The following KLF8 variants were observed in gnomAD, a reference collection of about 807,000 sequenced individuals.
KLF8 encodes Krueppel-like factor 8.
In KLF8, 10 loss-of-function variants were observed where a neutral mutation model predicts 18.2. The observed-to-expected ratio is 0.55, with a 90% confidence interval of 0.34 to 0.93. The LOEUF (loss-of-function observed/expected upper bound fraction) is 0.93, where lower values mean the gene tolerates loss of function less well. KLF8 is among the 40% of genes least tolerant of loss of function. KLF8 has a pLI of 0.02. For missense variants in KLF8, 264 were observed against 277.9 expected, an observed-to-expected ratio of 0.95 and a Z score of 0.36; for synonymous variants, 109 against 97.3, an observed-to-expected ratio of 1.12 and a Z score of -0.71.
chrX:55,930,371 T>G, the KLF8 span, among the ~76,000 whole-genome samples: 5 of 111,942 alleles, frequency 4.5e-5, no homozygotes, highest in African/African-American at 1.6e-4. Context: ...TGAATACCCT[T>G]TATTTCTTTC....
At chrX:56,038,202 C>T in the KLF8 span, among the ~76,000 whole-genome samples, 1 of 111,618 alleles carries the variant, frequency 9.0e-6, no homozygotes, top group Non-Finnish European at 1.9e-5. Flanking sequence ...GTATATTTAC[C>T]AAATTTTCTT....
chrX:56,053,393 A>C, the KLF8 span, among the ~76,000 whole-genome samples: 1 of 111,550 alleles, frequency 9.0e-6, no homozygotes, highest in Non-Finnish European at 1.9e-5. Context: ...GTTTTTTAAT[A>C]TGCTGCCAGC....
At chrX:56,062,069 A>T in the KLF8 span, among the ~76,000 whole-genome samples, 2 of 97,665 alleles carry the variant, frequency 2.0e-5, no homozygotes, top group Non-Finnish European at 4.0e-5. Context: ...TGCATGTGAG[A>T]TGGGTCTCCT....
chrX:56,162,265 C>T, the KLF8 span, among the ~76,000 whole-genome samples: 2 of 112,118 alleles, frequency 1.8e-5, no homozygotes, highest in Non-Finnish European at 3.8e-5. Context: ...TCTCCAGCTG[C>T]ATTCTGGGAG....
chrX:56,060,564 G>T, the KLF8 span, among the ~76,000 whole-genome samples: 8 of 111,774 alleles, frequency 7.2e-5, no homozygotes, highest in Non-Finnish European at 1.3e-4. Flanking sequence ...TAAGCTTTTT[G>T]ATATCCTGCT....
intron 1 of KLF8, among the ~76,000 whole-genome samples, chrX:56,236,962 GATAT>G (rs3052513): frequency 1.9e-4 from 18 of 93,286 alleles, no homozygotes; most frequent in African/African-American, 3.2e-4. Context: ...TAGATAGATG[GATAT>G]ATATATATAT....
chrX:56,187,537 T>C, the KLF8 span, among the ~76,000 whole-genome samples: 1 of 111,555 alleles, frequency 9.0e-6, no homozygotes, highest in African/African-American at 3.3e-5. Context: ...GCCAGCATCA[T>C]CCTGATACCA....
chrX:56,144,668 G>A, the KLF8 span, among the ~76,000 whole-genome samples: 95 of 103,744 alleles, frequency 9.2e-4, 1 homozygote, highest in Non-Finnish European at 1.4e-3. Flanking sequence ...CAGGAGAATC[G>A]CTTGAACCCG....
At chrX:56,042,984 T>C in the KLF8 span, among the ~76,000 whole-genome samples, 1 of 112,206 alleles carries the variant, frequency 8.9e-6, no homozygotes, top group Non-Finnish European at 1.9e-5. Flanking sequence ...AGTGCTTCCT[T>C]CAGGACCTCT....
chrX:55,953,885 C>T, the KLF8 span, among the ~76,000 whole-genome samples: 57 of 109,029 alleles, frequency 5.2e-4, no homozygotes, highest in East Asian at 0.011. Context: ...TTAGACAATG[C>T]CTTTTTAGAT....
At chrX:55,982,484 T>A in the KLF8 span, among the ~76,000 whole-genome samples, 1 of 112,170 alleles carries the variant, frequency 8.9e-6, no homozygotes, top group Non-Finnish European at 1.9e-5. Flanking sequence ...TGTAATATCC[T>A]TCTAACTGAT....
At chrX:55,966,438 A>G in the KLF8 span, among the ~76,000 whole-genome samples, 1 of 112,093 alleles carries the variant, frequency 8.9e-6, no homozygotes, top group African/African-American at 3.2e-5. Flanking sequence ...TTTGGAAGAA[A>G]ACAAGGGAAC....
At chrX:56,013,731 A>G in the KLF8 span, among the ~76,000 whole-genome samples, 1 of 111,226 alleles carries the variant, frequency 9.0e-6, no homozygotes, top group Admixed American at 9.5e-5. Context: ...TGCTGCCACC[A>G]TGTGAAGAAT....
the KLF8 span, among the ~76,000 whole-genome samples, chrX:56,078,490 T>A: frequency 2.7e-5 from 3 of 111,831 alleles, no homozygotes; most frequent in Non-Finnish European, 5.6e-5. Flanking sequence ...CAGGGATGAA[T>A]CCCACTTGAT....
At chrX:56,254,423 G>A (rs865950931) in intron 2 of KLF8, among the ~76,000 whole-genome samples, 7 of 111,402 alleles carry the variant, frequency 6.3e-5, no homozygotes, top group African/African-American at 1.6e-4. Context: ...GGGTGCCTGC[G>A]ACCCTTGAAG....
chrX:56,164,030 C>T, the KLF8 span, among the ~76,000 whole-genome samples: 2 of 111,700 alleles, frequency 1.8e-5, no homozygotes, highest in African/African-American at 6.5e-5. Flanking sequence ...CAGTGCAATG[C>T]CTCCAGCTTT....
At chrX:56,136,557 G>A in the KLF8 span, among the ~76,000 whole-genome samples, 3 of 111,481 alleles carry the variant, frequency 2.7e-5, no homozygotes, top group Admixed American at 1.9e-4. Context: ...CCATATTTAG[G>A]AAGCTGAAAC....
At chrX:56,073,431 G>A in the KLF8 span, among the ~76,000 whole-genome samples, 1 of 111,203 alleles carries the variant, frequency 9.0e-6, no homozygotes, top group Non-Finnish European at 1.9e-5. Flanking sequence ...TCCTCCTATT[G>A]CTCATTGTGA....
the KLF8 span, among the ~76,000 whole-genome samples, chrX:56,104,281 A>G: frequency 9.0e-6 from 1 of 111,613 alleles, no homozygotes; most frequent in Admixed American, 9.5e-5. Context: ...TAGTTTCAGA[A>G]GGAATGGTGC....
Sources: gnomAD v4.1 joint callset for allele counts (sites outside exome capture counted in the v4.1 genomes callset) on GRCh38, gnomAD v4.1.1 for gene constraint, MANE v1.5 for transcripts, NCBI Gene and HGNC (gene_info 2026-07-23, HGNC 2026-07-21) for gene names.